The following FASTKD1 variants were observed in gnomAD, a reference collection of about 807,000 sequenced individuals.
The protein encoded by FASTKD1 is FAST kinase domain-containing protein 1, mitochondrial.
A neutral mutation model predicts 90.9 loss-of-function variants in FASTKD1; 94 were observed. That is an observed-to-expected ratio of 1.03 (90% CI 0.88 to 1.23). The LOEUF is 1.23. Among genes scored for constraint, FASTKD1 ranks in the 50% most tolerant of loss-of-function variants. FASTKD1 has a pLI of 0.00. For synonymous variants in FASTKD1, 319 were observed against 345.8 expected, an observed-to-expected ratio of 0.92 and a Z score of 0.86; for missense variants, 945 against 993.5, an observed-to-expected ratio of 0.95 and a Z score of 0.66.
In FASTKD1 at chr2:169,534,901, C is replaced by T. The variant is rs188448235; in HGVS notation, c.2188+2326G>A. ...GAAAACAGACACCAAAAGCAAACAG[C>T]GGCTATATCATGGGTAATTTTTCTT... On this transcript the variant is annotated intron_variant, in intron 12 of 14. Transcript: ENST00000453153. Among the ~76,000 whole-genome samples, 69 of 151,638 alleles carry T rather than the reference C, an allele frequency of 4.6e-4. No homozygotes were observed. The East Asian group carries it at 0.012, about 26-fold the overall frequency.
chr2:169,566,161 T>C (rs1303252011), intron 3 of FASTKD1, among the ~76,000 whole-genome samples: 1 of 152,238 alleles, frequency 6.6e-6, no homozygotes, highest in Non-Finnish European at 1.5e-5. Flanking sequence ...TATCCTTTGC[T>C]GTGCCACCTC....
intron 9 of FASTKD1, among the ~76,000 whole-genome samples, chr2:169,544,002 T>C (rs1278687641): frequency 2.6e-5 from 4 of 152,208 alleles, no homozygotes; most frequent in East Asian, 3.8e-4. Flanking sequence ...TAGGGGACTA[T>C]GATTAAGTTT....
intron 3 of FASTKD1, 37 bp downstream of exon 3, chr2:169,569,147 A>G: frequency 6.4e-7 from 1 of 1,563,312 alleles, no homozygotes; most frequent in Non-Finnish European, 8.8e-7. Flanking sequence ...CCTGAAAAGA[A>G]TAACCCTGAT....
At chr2:169,534,548 C>T (rs1684644226) in intron 12 of FASTKD1, among the ~76,000 whole-genome samples, 1 of 148,634 alleles carries the variant, frequency 6.7e-6, no homozygotes, top group South Asian at 2.1e-4. Flanking sequence ...CAACCTCCGT[C>T]TCCCGGGTTC....
intron 9 of FASTKD1, among the ~76,000 whole-genome samples, chr2:169,543,168 T>TA (rs141405654): frequency 2.6e-5 from 4 of 151,828 alleles, no homozygotes; most frequent in East Asian, 3.9e-4. Flanking sequence ...GCTGGTTGTT[T>TA]AAAAAAAAGT....
chr2:169,549,003 A>C (rs534183602), intron 7 of FASTKD1, among the ~76,000 whole-genome samples: 1 of 152,106 alleles, frequency 6.6e-6, no homozygotes, highest in Admixed American at 6.6e-5. Flanking sequence ...AGGCTGAGAC[A>C]GGAGAATGGC....
chr2:169,556,698 G>C (rs190053107), intron 6 of FASTKD1, among the ~76,000 whole-genome samples: 51 of 152,160 alleles, frequency 3.4e-4, no homozygotes, highest in African/African-American at 1.2e-3. Context: ...GGTGGCACAC[G>C]CCTGTAATCC....
intron 4 of FASTKD1, 51 bp from the exon 5 acceptor site, chr2:169,560,836 ATTCTT>A: frequency 2.6e-6 from 2 of 755,050 alleles, no homozygotes; most frequent in East Asian, 4.0e-5. Context: ...AGAATGATCA[ATTCTT>A]TTTTTTTTTT....
Position 169,573,736 on chromosome 2 carries a change from T to G in FASTKD1, c.-210A>C, listed in dbSNP as rs1684334570. 1 of 152,214 alleles carries G rather than the reference T, an allele frequency of 6.6e-6. No individual in the cohort carries two copies. The highest frequency in any genetic ancestry group is 2.1e-4 in the South Asian group (1 of 4,834). The allele number at this position is 152,214 out of a possible 1,614,324, so 9.4% of individuals were successfully genotyped here. The stretch of plus-strand genomic sequence containing the variant: ...TCCTGGGGTTATGAAAGCTCAGAAG[T>G]CAGGGTTATTCCTGGTCCCAACACG... On this transcript the variant is annotated 5_prime_UTR_variant, in exon 1 of 15. Coordinates refer to ENST00000453153, the MANE Select transcript of FASTKD1 (RefSeq NM_024622.6).
At chr2:169,547,528 G>C (rs1685258776) in intron 7 of FASTKD1, among the ~76,000 whole-genome samples, 1 of 152,196 alleles carries the variant, frequency 6.6e-6, no homozygotes. Flanking sequence ...AGCTATAGAA[G>C]TTATGAACTA....
intron 1 of FASTKD1, among the ~76,000 whole-genome samples, chr2:169,572,777 A>G (rs2105450224): frequency 6.6e-6 from 1 of 152,308 alleles, no homozygotes; most frequent in African/African-American, 2.4e-5. Flanking sequence ...GAAATTAAGT[A>G]ATGTTTCAAG....
Position 169,571,687 on chromosome 2 carries a change from C to G in FASTKD1, c.343G>C (p.Asp115His). The G allele has an allele frequency of 6.2e-7, 1 of 1,609,288 alleles. No individual in the cohort carries two copies. The highest frequency in any genetic ancestry group is 8.5e-7 in the Non-Finnish European group (1 of 1,176,142). ...ACGTATAACACATTCACCAGGGTAT[C>G]GTCATTCATTAATTTGAATTTATTT... The part of the protein sequence containing the change: ...ATNKFKLMND[D>H]TLVNVLYVTQ... Residue 115 changes from aspartate to histidine, a missense_variant, in exon 2 of 15, where the codon GAT becomes CAT. Physicochemically the swap from Asp to His is moderately conservative, Grantham distance 81. Coordinates refer to ENST00000453153, the MANE Select transcript of FASTKD1 (RefSeq NM_024622.6).
chr2:169,534,381 T>C (rs984583336), intron 12 of FASTKD1, among the ~76,000 whole-genome samples: 3 of 151,034 alleles, frequency 2.0e-5, no homozygotes, highest in African/African-American at 4.9e-5. Flanking sequence ...CCTTAGTAGA[T>C]ACCAAACCTG....
intron 7 of FASTKD1, among the ~76,000 whole-genome samples, chr2:169,547,157 T>C (rs1052325388): frequency 5.3e-5 from 8 of 152,162 alleles, no homozygotes; most frequent in African/African-American, 1.9e-4. Flanking sequence ...AAGCAGTTGT[T>C]TATGTTTACA....
chr2:169,564,532 T>G (rs565735966), intron 3 of FASTKD1, among the ~76,000 whole-genome samples: 1 of 152,244 alleles, frequency 6.6e-6, no homozygotes, highest in Admixed American at 6.5e-5. Flanking sequence ...TCATGAAAAA[T>G]GGAGTATCCA....
intron 3 of FASTKD1, among the ~76,000 whole-genome samples, chr2:169,566,946 C>T (rs1368034280): frequency 5.3e-5 from 8 of 152,040 alleles, no homozygotes; most frequent in African/African-American, 1.9e-4. Context: ...GAAACCCTGT[C>T]TCTACTAAAA....
In FASTKD1 at chr2:169,571,644, ATTAC is replaced by A. The variant is rs745871082; in HGVS notation, c.377+5_377+8del. The A allele has an allele frequency of 9.4e-6, 14 of 1,484,756 alleles. No homozygotes were observed. Among genetic ancestry groups the A allele is most frequent in the Middle Eastern group, 2.2e-4 (1 of 4,504 alleles). The allele number at this position is 1,484,756 out of a possible 1,614,324, so 92.0% of individuals were successfully genotyped here. On this transcript the variant is annotated splice_donor_5th_base_variant and intron_variant, in intron 2 of 14. Coordinates refer to ENST00000453153, the MANE Select transcript of FASTKD1 (RefSeq NM_024622.6). ...ATCATTCCATAAAATATAAAAGTAAATTACTTACTGTTGTGTGACGTATAACACA... is the reference window on the plus strand; with the variant it reads ...ATCATTCCATAAAATATAAAAGTAAATTACTGTTGTGTGACGTATAACACA...
At chr2:169,530,224 G>A (rs1392254657) in intron 14 of FASTKD1, among the ~76,000 whole-genome samples, 1 of 152,018 alleles carries the variant, frequency 6.6e-6, no homozygotes, top group African/African-American at 2.4e-5. Flanking sequence ...CATCTCTACA[G>A]TGCCTCTCTC....
Position 169,538,039 on chromosome 2 carries a change from T to C in FASTKD1, c.2048A>G (p.Asp683Gly). 1.2e-6 allele frequency: 2 copies of C among 1,608,848 alleles called. No individual in the cohort carries two copies. Among genetic ancestry groups the C allele is most frequent in the Non-Finnish European group, 1.7e-6 (2 of 1,178,684 alleles). Residue 683 changes from aspartate (D) to glycine (G), a missense_variant, in exon 11 of 15, where the codon GAC (aspartate) becomes GGC (glycine). Asp to Gly is a moderately conservative substitution (Grantham distance 94, BLOSUM62 -1). Coordinates refer to ENST00000453153, the MANE Select transcript of FASTKD1 (RefSeq NM_024622.6). ...CPEFQIPWFHDRFCQQYNKGI... is the reference protein window; with the variant it reads ...CPEFQIPWFHGRFCQQYNKGI... ...TTTATTATATTGTTGACAGAAGCGG[T>C]CATGAAACCATGGAATCTGAAACTC...
Sources: gnomAD v4.1 joint callset for allele counts (sites outside exome capture counted in the v4.1 genomes callset) on GRCh38, gnomAD v4.1.1 for gene constraint, MANE v1.5 for transcripts, NCBI Gene and HGNC (gene_info 2026-07-23, HGNC 2026-07-21) for gene names.